The following PTCHD4 variants were observed in gnomAD, a reference collection of about 807,000 sequenced individuals.
PTCHD4 encodes patched domain containing 4.
PTCHD4 carries 33 observed loss-of-function variants against 58.1 expected under a neutral mutation model. The ratio of observed to expected loss-of-function variants is 0.57; its 90% CI spans 0.43 to 0.76. PTCHD4 has a LOEUF of 0.76. PTCHD4 is among the 30% of genes least tolerant of loss of function. The pLI is 0.00. For missense variants in PTCHD4, 1,058 were observed against 1,027.1 expected (o/e 1.03, Z -0.41); for synonymous variants, 478 against 409.6 (o/e 1.17, Z -2.02).
intron 4 of PTCHD4, among the ~76,000 whole-genome samples, chr6:47,950,714 A>G (rs1766610968): frequency 6.6e-6 from 1 of 152,154 alleles, no homozygotes; most frequent in Non-Finnish European, 1.5e-5. Context: ...CAGAGCTGTA[A>G]ATGTGGGGGA....
intron 4 of PTCHD4, among the ~76,000 whole-genome samples, chr6:47,960,797 A>AG (rs1239250602): frequency 1.3e-5 from 2 of 152,030 alleles, no homozygotes; most frequent in Non-Finnish European, 2.9e-5. Context: ...AATATATGAA[A>AG]GAAAAAAAGA....
At chr6:48,104,141 C>T (rs9473244) in intron 1 of PTCHD4, among the ~76,000 whole-genome samples, 27,656 of 151,936 alleles carry the variant, frequency 0.18, 2,765 homozygotes, top group African/African-American at 0.25. Flanking sequence ...CTCCAAGACA[C>T]GTAATTGTCA....
chr6:48,053,434 AC>A (rs1304792345), intron 3 of PTCHD4, among the ~76,000 whole-genome samples: 16 of 152,156 alleles, frequency 1.1e-4, no homozygotes, highest in African/African-American at 3.9e-4. Context: ...AAAATCACAA[AC>A]AAACAATGAC....
rs1432561612 is a variant in PTCHD4, at chr6:47,867,942, AC to A, written c.*10360del. Among the ~76,000 whole-genome samples, 1 of 151,626 alleles carries A rather than the reference AC, an allele frequency of 6.6e-6. No individual in the cohort carries two copies. Among genetic ancestry groups the A allele is most frequent in the East Asian group, 1.9e-4 (1 of 5,132 alleles). On this transcript the variant is annotated 3_prime_UTR_variant, in exon 5 of 5. Transcript: ENST00000339488. Reference sequence around the variant, plus strand: ...CAAGCCATCTAGGGGTACTTCAGAAACCCATCTACATCAAATCTTGATCCTA... The same window carrying A: ...CAAGCCATCTAGGGGTACTTCAGAAACCATCTACATCAAATCTTGATCCTA...
At chr6:47,914,262 C>T (rs1765160251) in intron 4 of PTCHD4, among the ~76,000 whole-genome samples, 1 of 152,048 alleles carries the variant, frequency 6.6e-6, no homozygotes, top group African/African-American at 2.4e-5. Context: ...GTCAACTTGA[C>T]TAGGCTGCAG....
chr6:48,068,595 G>A lies in PTCHD4; in HGVS notation c.52C>T (p.Gln18Ter). 6.3e-6 allele frequency: 10 copies of A among 1,578,402 alleles called. No individual in the cohort carries two copies. Among genetic ancestry groups the A allele is most frequent in the Non-Finnish European group, 8.6e-6 (10 of 1,166,430 alleles). The change falls in exon 3 of 5, where the codon CAG (glutamine) becomes TAG (stop). Residue 18 changes from glutamine to a stop codon, truncating the protein, a stop_gained. Transcript: ENST00000339488. LOFTEE classifies it high-confidence loss of function. The surrounding 1 kb of genome is among the most constrained non-coding windows in gnomAD (Gnocchi z 4.2). ...GACTGGAGCCCTCTGCGAAGCACCT[G>A]CCGCAGCATCCTCCACCAGATCCAG... ...ASWIWWRMLR[Q>*]VLRRGLQSFC...
At chr6:47,951,688 T>C (rs1009906186) in intron 4 of PTCHD4, among the ~76,000 whole-genome samples, 8 of 152,092 alleles carry the variant, frequency 5.3e-5, no homozygotes, top group African/African-American at 1.9e-4. Flanking sequence ...AGATCCCTTT[T>C]TACATCTCAG....
intron 3 of PTCHD4, among the ~76,000 whole-genome samples, chr6:48,054,064 C>T (rs1764325290): frequency 6.6e-6 from 1 of 152,138 alleles, no homozygotes; most frequent in East Asian, 1.9e-4. Flanking sequence ...TCGCTATCCA[C>T]TGGAATCATT....
intron 3 of PTCHD4, among the ~76,000 whole-genome samples, chr6:48,051,806 A>G (rs1173825438): frequency 6.6e-6 from 1 of 152,058 alleles, no homozygotes; most frequent in African/African-American, 2.4e-5. Context: ...GCAGCTCTGA[A>G]AGATTTTCAC....
Position 47,878,408 on chromosome 6 carries a change from AGGG to A in PTCHD4, c.2424_2426del (p.Pro809del). The A allele has an allele frequency of 6.2e-7, 1 of 1,613,150 alleles. No homozygotes were observed. The highest frequency in any genetic ancestry group is 8.5e-7 in the Non-Finnish European group (1 of 1,179,580). On this transcript the variant is annotated inframe_deletion, in exon 5 of 5. Transcript: ENST00000339488. Reference sequence around the variant, plus strand: ...TCTTTTTCTTGTGGTGCTTTTTGGAAGGGGGGAAAAACGTTAGGAACACAGGTA... The same window carrying A: ...TCTTTTTCTTGTGGTGCTTTTTGGAAGGGAAAAACGTTAGGAACACAGGTA...
chr6:47,915,466 C>T lies in PTCHD4; in HGVS notation c.899-35530G>A, dbSNP rs1402829234. Among the ~76,000 whole-genome samples the T allele has an allele frequency of 3.9e-5, 6 of 151,992 alleles. No individual in the cohort carries two copies. The East Asian group carries it at 1.2e-3, about 29-fold the overall frequency. ...ATTGGTTGGCGTTGAAAGTCCTAAGCATCTTTCGCAGATTAAAGGTGGTTA... is the reference window on the plus strand; with the variant it reads ...ATTGGTTGGCGTTGAAAGTCCTAAGTATCTTTCGCAGATTAAAGGTGGTTA... On this transcript the variant is annotated intron_variant, in intron 4 of 4. Coordinates refer to ENST00000339488, the MANE Select transcript of PTCHD4 (RefSeq NM_001384253.1).
chr6:48,072,846 T>G (rs1764999604), intron 1 of PTCHD4, among the ~76,000 whole-genome samples: 1 of 152,152 alleles, frequency 6.6e-6, no homozygotes, highest in African/African-American at 2.4e-5. Context: ...CAGTGAAAAG[T>G]CTGGGTCTAT....
At chr6:47,966,721 C>T (rs192691051) in intron 4 of PTCHD4, among the ~76,000 whole-genome samples, 32 of 152,280 alleles carry the variant, frequency 2.1e-4, no homozygotes, top group African/African-American at 7.2e-4. Context: ...GAGTAGATTC[C>T]ATATCAAGAA....
At chr6:47,929,772 A>G (rs943135413) in intron 4 of PTCHD4, among the ~76,000 whole-genome samples, 10 of 152,212 alleles carry the variant, frequency 6.6e-5, no homozygotes, top group African/African-American at 1.9e-4. Context: ...AACACAAGCC[A>G]TCCTGACCAT....
At chr6:47,908,543 G>A (rs892233619) in intron 4 of PTCHD4, among the ~76,000 whole-genome samples, 1 of 152,050 alleles carries the variant, frequency 6.6e-6, no homozygotes, top group African/African-American at 2.4e-5. Flanking sequence ...CCATTGTGGG[G>A]GTCCTTTTGA....
chr6:47,986,356 T>C (rs137865020), intron 4 of PTCHD4, among the ~76,000 whole-genome samples: 1 of 152,302 alleles, frequency 6.6e-6, no homozygotes, highest in African/African-American at 2.4e-5. Context: ...AAATGCTCAA[T>C]ATATTTTAGT....
chr6:47,912,587 T>C (rs1175514850), intron 4 of PTCHD4, among the ~76,000 whole-genome samples: 1 of 152,160 alleles, frequency 6.6e-6, no homozygotes, highest in African/African-American at 2.4e-5. Context: ...TTACCTTCCT[T>C]CATACCTTCT....
chr6:47,897,601 G>A (rs551930928), intron 4 of PTCHD4, among the ~76,000 whole-genome samples: 1 of 152,300 alleles, frequency 6.6e-6, no homozygotes, highest in African/African-American at 2.4e-5. Flanking sequence ...AGAAAATCTA[G>A]ATTTTGGATT....
intron 3 of PTCHD4, among the ~76,000 whole-genome samples, chr6:48,012,363 G>T (rs1331023072): frequency 6.6e-6 from 1 of 152,006 alleles, no homozygotes. Context: ...TCATGATTTG[G>T]CTCTCTGTTT....
Sources: gnomAD v4.1 joint callset for allele counts (sites outside exome capture counted in the v4.1 genomes callset) on GRCh38, gnomAD v4.1.1 for gene constraint, Gnocchi (gnomAD v3.1) non-coding constraint, MANE v1.5 for transcripts, NCBI Gene and HGNC (gene_info 2026-07-23, HGNC 2026-07-21) for gene names.